The following THEMIS variants were observed in gnomAD, a reference collection of about 807,000 sequenced individuals.
The protein encoded by THEMIS is protein THEMIS.
Under a neutral mutation model 52.6 loss-of-function variants are expected in THEMIS, and 37 were observed. The ratio of observed to expected loss-of-function variants is 0.70; its 90% confidence interval spans 0.54 to 0.93. THEMIS has a LOEUF of 0.93. Among genes scored for constraint, THEMIS ranks in the 40% least tolerant of loss-of-function variants. The probability of loss-of-function intolerance (pLI) is 0.00; values close to 1 mark genes in which losing one functional copy is unlikely to be tolerated. For missense variants in THEMIS, 808 were observed against 763.1 expected (o/e 1.06, Z -0.69); for synonymous variants, 292 against 272.7 (o/e 1.07, Z -0.70).
chr6:127,719,646 T>C, intron 5 of THEMIS, 42 bp downstream of exon 5: 3 of 1,556,892 alleles, frequency 1.9e-6, no homozygotes, highest in Non-Finnish European at 2.6e-6. Flanking sequence ...ATGTGGACAG[T>C]TAAACCACCG....
At chr6:127,735,753 G>T (rs1386450785) in intron 4 of THEMIS, among the ~76,000 whole-genome samples, 1 of 152,176 alleles carries the variant, frequency 6.6e-6, no homozygotes, top group African/African-American at 2.4e-5. Flanking sequence ...AGTGGATGAT[G>T]AATTTTTTTC....
intron 1 of THEMIS, among the ~76,000 whole-genome samples, chr6:127,888,477 T>C (rs1022787524): frequency 6.6e-6 from 1 of 152,028 alleles, no homozygotes; most frequent in Non-Finnish European, 1.5e-5. Flanking sequence ...GAAAAGGAAT[T>C]TGGGCATCAA....
Position 127,813,846 on chromosome 6 carries a change from A to G in THEMIS, c.795T>C (p.Leu265=). ...ITDSYDANWF[L]QLLSTEDLFE... ...AAAGATCTTCTGTTGATAACAGCTG[A>G]AGAAACCAGTTAGCATCGTAAGAAT... Residue 265 remains leucine, a synonymous_variant, in exon 4 of 6, where the codon CTT becomes CTC. Transcript: ENST00000368248. 6.2e-7 allele frequency: 1 copy of G among 1,613,656 alleles called. No individual in the cohort carries two copies. The highest frequency in any genetic ancestry group is 1.1e-5 in the South Asian group (1 of 90,952).
chr6:127,902,324 CAAAA>C (rs35320887), upstream of THEMIS, among the ~76,000 whole-genome samples: 3 of 109,774 alleles, frequency 2.7e-5, no homozygotes, highest in South Asian at 3.1e-4. Flanking sequence ...GACTCTGTCT[CAAAA>C]AAAAAAAAAA....
chr6:127,785,262 T>TCTACCATCTATCTAC (rs58702039), intron 4 of THEMIS, among the ~76,000 whole-genome samples: 1 of 146,758 alleles, frequency 6.8e-6, no homozygotes, highest in Non-Finnish European at 1.5e-5. Flanking sequence ...CATCTATCTA[T>TCTACCATCTATCTAC]TTATCACCTA....
At chr6:127,810,710 G>C (rs959231312) in intron 4 of THEMIS, among the ~76,000 whole-genome samples, 3 of 152,030 alleles carry the variant, frequency 2.0e-5, no homozygotes, top group African/African-American at 7.2e-5. Flanking sequence ...CCCTCCAATC[G>C]TGCCTCTAGT....
At chr6:127,778,172 A>C (rs945862076) in intron 4 of THEMIS, among the ~76,000 whole-genome samples, 2 of 152,152 alleles carry the variant, frequency 1.3e-5, no homozygotes, top group Non-Finnish European at 2.9e-5. Context: ...GTATATTTCA[A>C]AACCAATGCT....
intron 4 of THEMIS, among the ~76,000 whole-genome samples, chr6:127,723,561 A>G (rs1054148865): frequency 6.6e-6 from 1 of 152,032 alleles, no homozygotes; most frequent in African/African-American, 2.4e-5. Context: ...GATTTATGAA[A>G]TGAGATGAGG....
chr6:127,812,763 G>T, intron 4 of THEMIS, 120 bp downstream of exon 4: 1 of 994,544 alleles, frequency 1.0e-6, no homozygotes, highest in Non-Finnish European at 1.5e-6. Context: ...CATCAGAAAA[G>T]CTCATTGCAA....
chr6:127,734,088 G>A (rs1774902551), intron 4 of THEMIS, among the ~76,000 whole-genome samples: 2 of 151,846 alleles, frequency 1.3e-5, no homozygotes, highest in Non-Finnish European at 2.9e-5. Flanking sequence ...AACAAATACA[G>A]TTTCTCCAAC....
chr6:127,894,773 ACCT>A (rs1780913179), intron 1 of THEMIS, among the ~76,000 whole-genome samples: 1 of 151,664 alleles, frequency 6.6e-6, no homozygotes, highest in African/African-American at 2.4e-5. Context: ...AAGATGTTAA[ACCT>A]ACTTTTAGAA....
At chr6:127,902,473 T>C (rs1419892454), upstream of THEMIS, among the ~76,000 whole-genome samples, 1 of 152,004 alleles carries the variant, frequency 6.6e-6, no homozygotes, top group Non-Finnish European at 1.5e-5. Flanking sequence ...CATAGCCACA[T>C]ACAGAGGGTC....
At chr6:127,820,176 AAG>A (rs1405377034) in intron 3 of THEMIS, among the ~76,000 whole-genome samples, 5 of 152,158 alleles carry the variant, frequency 3.3e-5, no homozygotes, top group African/African-American at 4.8e-5. Context: ...GCTAAGAGAA[AAG>A]AGAAAGTGGA....
At position 127,813,772 on chromosome 6, in the gene THEMIS, G is replaced by A. The variant is rs1418089731; in HGVS notation, c.869C>T (p.Ala290Val). 2 of 1,613,958 alleles carry A rather than the reference G, an allele frequency of 1.2e-6. No individual in the cohort carries two copies. The highest frequency in any genetic ancestry group is 1.7e-6 in the Non-Finnish European group (2 of 1,179,970). Residue 290 changes from alanine (A) to valine (V), a missense_variant, in exon 4 of 6, where the codon GCA becomes GTA. Coordinates refer to ENST00000368248, the MANE Select transcript of THEMIS (RefSeq NM_001010923.3). Reference protein sequence around the residue: ...EFPIVTEVIEAPEGNHLPQSI... With the variant: ...EFPIVTEVIEVPEGNHLPQSI... The stretch of plus-strand genomic sequence containing the variant: ...TTGGGGCAGGTGGTTTCCTTCAGGT[G>A]CTTCTATGACTTCAGTCACTATGGG...
intron 3 of THEMIS, among the ~76,000 whole-genome samples, chr6:127,825,250 A>T (rs1778468966): frequency 6.6e-6 from 1 of 152,162 alleles, no homozygotes; most frequent in African/African-American, 2.4e-5. Flanking sequence ...AGTGGACATT[A>T]TCAGAGAAAT....
intron 4 of THEMIS, among the ~76,000 whole-genome samples, chr6:127,796,131 T>C (rs1028729182): frequency 5.9e-5 from 9 of 152,324 alleles, no homozygotes; most frequent in African/African-American, 1.9e-4. Context: ...ATTAAAAGTA[T>C]AGAACTAAAT....
intron 4 of THEMIS, among the ~76,000 whole-genome samples, chr6:127,773,193 C>T (rs1174033928): frequency 6.6e-6 from 1 of 152,136 alleles, no homozygotes; most frequent in Non-Finnish European, 1.5e-5. Flanking sequence ...AAGAACGTAG[C>T]TCTTTATAAC....
At chr6:127,887,218 G>A (rs1460201929) in intron 1 of THEMIS, among the ~76,000 whole-genome samples, 1 of 152,010 alleles carries the variant, frequency 6.6e-6, no homozygotes, top group Non-Finnish European at 1.5e-5. Context: ...ATGGGTGAAT[G>A]ATTTGAAGAG....
intron 3 of THEMIS, among the ~76,000 whole-genome samples, chr6:127,816,250 G>T (rs1019099333): frequency 2.1e-5 from 3 of 141,266 alleles, no homozygotes; most frequent in Non-Finnish European, 4.7e-5. Flanking sequence ...ACCTTTTAGG[G>T]TGTCTTGGTT....
Sources: gnomAD v4.1 joint callset for allele counts (sites outside exome capture counted in the v4.1 genomes callset) on GRCh38, gnomAD v4.1.1 for gene constraint, MANE v1.5 for transcripts, NCBI Gene and HGNC (gene_info 2026-07-23, HGNC 2026-07-21) for gene names.